PAPSS1: variants seen among roughly 807,000 people sequenced by gnomAD.
The protein encoded by PAPSS1 is 3'-phosphoadenosine 5'-phosphosulfate synthase 1.
In PAPSS1, 50 loss-of-function variants were observed where a neutral mutation model predicts 72.0. The ratio of observed to expected loss-of-function variants is 0.69; its 90% confidence interval spans 0.55 to 0.88. The LOEUF (loss-of-function observed/expected upper bound fraction) is 0.88, where lower values mean the gene tolerates loss of function less well. PAPSS1 is among the 40% of genes least tolerant of loss of function. The pLI is 0.00. For synonymous variants in PAPSS1, 261 were observed against 263.6 expected (o/e 0.99, Z 0.09); for missense variants, 657 against 782.2 (o/e 0.84, Z 1.91).
At chr4:107,665,593 T>TA (rs1345627735) in intron 5 of PAPSS1, among the ~76,000 whole-genome samples, 1 of 151,660 alleles carries the variant, frequency 6.6e-6, no homozygotes, top group Non-Finnish European at 1.5e-5. Flanking sequence ...CACTGAAGGG[T>TA]AAAGGGGGCT....
rs1453187061 is a variant in PAPSS1, at chr4:107,645,042, G to C, written c.1266C>G (p.Asn422Lys). ...ACAGGGCATGTCCATTGTGCACTGG[G>C]TTGCGTAGTTGAAATGCAAAGACAG... ...ADAVFAFQLR[N>K]PVHNGHALLM... Residue 422 changes from asparagine (N) to lysine (K), a missense_variant, in exon 10 of 12, where the codon AAC becomes AAG. Physicochemically the swap from Asn to Lys is moderately conservative, Grantham distance 94. Transcript: ENST00000265174. 1.3e-6 allele frequency: 2 copies of C among 1,553,172 alleles called. No individual in the cohort carries two copies. The highest frequency in any genetic ancestry group is 1.7e-6 in the Non-Finnish European group (2 of 1,148,502).
intron 10 of PAPSS1, among the ~76,000 whole-genome samples, chr4:107,633,351 AT>A (rs1254430661): frequency 2.0e-5 from 3 of 152,240 alleles, no homozygotes; most frequent in African/African-American, 4.8e-5. Flanking sequence ...CACAGTAAAT[AT>A]ACAAGAAATA....
chr4:107,701,125 T>C (rs774720877), intron 2 of PAPSS1, 46 bp downstream of exon 2: 59 of 1,270,698 alleles, frequency 4.6e-5, no homozygotes, highest in South Asian at 1.1e-4. Context: ...AGGTTACCTA[T>C]ATGCACTGCT....
At chr4:107,693,675 C>A (rs996012886) in intron 3 of PAPSS1, 96 bp downstream of exon 3, 28 of 822,706 alleles carry the variant, frequency 3.4e-5, no homozygotes, top group Non-Finnish European at 5.0e-5. Context: ...TAGAGTTAGC[C>A]TCAAAGCACA....
chr4:107,698,479 T>C (rs1163193415), intron 2 of PAPSS1, among the ~76,000 whole-genome samples: 3 of 152,088 alleles, frequency 2.0e-5, no homozygotes, highest in Non-Finnish European at 4.4e-5. Context: ...CACCACCACA[T>C]CCGAACAAGT....
intron 3 of PAPSS1, among the ~76,000 whole-genome samples, chr4:107,690,321 C>CA (rs911069899): frequency 2.0e-5 from 3 of 152,012 alleles, no homozygotes; most frequent in Non-Finnish European, 4.4e-5. Context: ...TACAGTTCCC[C>CA]AAAAAAACAA....
chr4:107,673,226 G>A (rs572533040), intron 5 of PAPSS1, among the ~76,000 whole-genome samples: 3 of 152,216 alleles, frequency 2.0e-5, no homozygotes, highest in Non-Finnish European at 4.4e-5. Flanking sequence ...ACTTTGACGA[G>A]TTGAGAGAAG....
intron 1 of PAPSS1, chr4:107,719,878 C>T: frequency 1.5e-6 from 2 of 1,355,190 alleles, no homozygotes; most frequent in Non-Finnish European, 1.9e-6. Context: ...GGCGTTCTTC[C>T]CACGAACGGT....
intron 10 of PAPSS1, among the ~76,000 whole-genome samples, chr4:107,636,457 G>A (rs971144491): frequency 6.6e-5 from 10 of 152,258 alleles, no homozygotes; most frequent in African/African-American, 2.4e-4. Flanking sequence ...TCTGATTTTG[G>A]AAAATCACTC....
intron 10 of PAPSS1, among the ~76,000 whole-genome samples, chr4:107,642,443 T>C (rs1726573565): frequency 6.6e-6 from 1 of 152,098 alleles, no homozygotes; most frequent in Admixed American, 6.6e-5. Flanking sequence ...GTACCTACCC[T>C]CTTAGTATTA....
rs1400318849 is a variant in PAPSS1 at position 107,701,269 on chromosome 4, G to T, written c.77C>A (p.Thr26Asn). The part of the protein sequence containing the change: ...NAQNWGMQRA[T>N]NVTYQAHHVS... ...ATGATGGGCTTGGTAGGTGACATTG[G>T]TTGCTCTCTGCATTCCCTAGAAAAA... Residue 26 changes from threonine to asparagine, a missense_variant, in exon 2 of 12, where the codon ACC becomes AAC. Coordinates refer to ENST00000265174, the MANE Select transcript of PAPSS1 (RefSeq NM_005443.5). 6.2e-7 allele frequency: 1 copy of T among 1,611,768 alleles called. No homozygotes were observed. The highest frequency in any genetic ancestry group is 8.5e-7 in the Non-Finnish European group (1 of 1,178,780).
intron 11 of PAPSS1, among the ~76,000 whole-genome samples, chr4:107,619,959 T>C (rs1380387543): frequency 6.6e-6 from 1 of 152,218 alleles, no homozygotes; most frequent in Non-Finnish European, 1.5e-5. Context: ...GCATCTTGAC[T>C]AACTCCAAAG....
At chr4:107,707,199 G>A (rs1175094083) in intron 1 of PAPSS1, among the ~76,000 whole-genome samples, 1 of 152,178 alleles carries the variant, frequency 6.6e-6, no homozygotes, top group Non-Finnish European at 1.5e-5. Flanking sequence ...GCCCAGGGCT[G>A]TGTGGGCCAA....
Position 107,682,210 on chromosome 4 carries a change from C to T in PAPSS1, c.551-77G>A, listed in dbSNP as rs937195666. ...TTTATTTTTTCAGTGCAGATCTCTG[C>T]TACATTGAAGTTAGTATCTGCGCTG... On this transcript the variant is annotated intron_variant, in intron 4 of 11. Coordinates refer to ENST00000265174, the MANE Select transcript of PAPSS1 (RefSeq NM_005443.5). The T allele has an allele frequency of 1.5e-5, 11 of 728,266 alleles. No individual in the cohort carries two copies. The Admixed American group carries it at 2.2e-4, about 14-fold the overall frequency. The allele number at this position is 728,266 out of a possible 1,614,324, so 45.1% of individuals were successfully genotyped here. A position where few individuals can be genotyped will look rare whatever the true frequency, so the allele number is the denominator to read the frequency against.
At chr4:107,683,435 G>A (rs1186386558) in intron 4 of PAPSS1, among the ~76,000 whole-genome samples, 1 of 152,014 alleles carries the variant, frequency 6.6e-6, no homozygotes, top group African/African-American at 2.4e-5. Flanking sequence ...TGATATACTG[G>A]AATCACCAGG....
rs147597149 is a variant in PAPSS1, at chr4:107,697,270, G to A, written c.176-3264C>T. On this transcript the variant is annotated intron_variant, in intron 2 of 11. Coordinates refer to ENST00000265174, the MANE Select transcript of PAPSS1 (RefSeq NM_005443.5). ...AACCAAGCAAGCCCTAAGCATAGCTGCCTATCTGAGCCCTTTTAAATCCCT... is the reference window on the plus strand; with the variant it reads ...AACCAAGCAAGCCCTAAGCATAGCTACCTATCTGAGCCCTTTTAAATCCCT... Among the ~76,000 whole-genome samples the A allele has an allele frequency of 2.9e-3, 446 of 152,342 alleles. 3 individuals are homozygous for A. Among genetic ancestry groups the A allele is most frequent in the African/African-American group, 0.01 (417 of 41,576 alleles).
intron 10 of PAPSS1, among the ~76,000 whole-genome samples, chr4:107,635,008 C>G (rs980702758): frequency 2.6e-5 from 4 of 151,960 alleles, no homozygotes; most frequent in Admixed American, 6.6e-5. Flanking sequence ...CCGTGTTAGC[C>G]AGGATGGTCT....
intron 1 of PAPSS1, among the ~76,000 whole-genome samples, chr4:107,712,527 T>G (rs1723519334): frequency 6.6e-6 from 1 of 152,306 alleles, no homozygotes; most frequent in African/African-American, 2.4e-5. Context: ...TTCATAGCAT[T>G]TATTCATGAT....
chr4:107,672,305 T>C (rs1263458669), intron 5 of PAPSS1, among the ~76,000 whole-genome samples: 3 of 152,150 alleles, frequency 2.0e-5, no homozygotes, highest in Non-Finnish European at 2.9e-5. Context: ...GTCAGGGAAT[T>C]CCCTTTTCTA....
Sources: allele counts gnomAD v4.1 joint callset (sites outside exome capture counted in the v4.1 genomes callset), GRCh38; gene constraint gnomAD v4.1.1; transcripts MANE v1.5; gene names NCBI Gene and HGNC (gene_info 2026-07-23, HGNC 2026-07-21).